The following CLEC12A variants were observed in gnomAD, a reference collection of about 807,000 sequenced individuals.
CLEC12A encodes C-type lectin protein CLL-1.
A neutral mutation model predicts 26.5 loss-of-function variants in CLEC12A; 22 were observed. That is an observed-to-expected ratio of 0.83 (90% CI 0.59 to 1.19). The LOEUF (loss-of-function observed/expected upper bound fraction) is 1.19. Ranked by LOEUF, CLEC12A falls within the 50% of genes most tolerant of loss-of-function variation. The probability of loss-of-function intolerance (pLI) is 0.00; values close to 1 mark genes in which losing one functional copy is unlikely to be tolerated. For synonymous variants in CLEC12A, 119 were observed against 101.9 expected (o/e 1.17, Z -1.01); for missense variants, 353 against 315.6 (o/e 1.12, Z -0.90).
chr12:9,995,506 G>A, exon 5 of CLEC12A: 1 of 402,460 alleles, frequency 2.5e-6, no homozygotes, highest in South Asian at 2.1e-5. Context: ...CATGTATTTA[G>A]ATCTTCAACC....
chr12:9,980,840 G>A, intron 4 of CLEC12A, 107 bp downstream of exon 4: 2 of 1,158,434 alleles, frequency 1.7e-6, no homozygotes, highest in Non-Finnish European at 2.4e-6. Context: ...GTTGGGGTGT[G>A]AAGTGACTGA....
chr12:9,983,789 G>A (rs1424154419), intron 5 of CLEC12A: 1 of 367,082 alleles, frequency 2.7e-6, no homozygotes. Context: ...TAGGAGTGTG[G>A]GTCAGAAAGA....
intron 1 of CLEC12A, among the ~76,000 whole-genome samples, chr12:9,958,997 G>C (rs1398905258): frequency 6.6e-6 from 1 of 152,214 alleles, no homozygotes; most frequent in African/African-American, 2.4e-5. Flanking sequence ...AGCTCTGGAA[G>C]ACTTTGTAAT....
At position 9,982,139 on chromosome 12, in the gene CLEC12A, T is replaced by C; in HGVS notation, c.641+10T>C. The C allele has an allele frequency of 7.1e-7, 1 of 1,410,154 alleles. No individual in the cohort carries two copies. Among genetic ancestry groups the C allele is most frequent in the Non-Finnish European group, 1.0e-6 (1 of 995,950 alleles). 87.4% of individuals were successfully genotyped at this position (1,410,154 alleles called of 1,614,324 possible). ...TCAACTCCTCTGCCTGGTAAGTGTC[T>C]ATTCTTGTTAGAATTTTATAGCTGG... On this transcript the variant is annotated intron_variant, in intron 5 of 5. Coordinates refer to ENST00000304361, the MANE Select transcript of CLEC12A (RefSeq NM_138337.6).
intron 4 of CLEC12A, chr12:9,991,795 T>C (rs1864900582): frequency 6.6e-6 from 1 of 152,118 alleles, no homozygotes; most frequent in Admixed American, 6.6e-5. Context: ...ACAATTAACT[T>C]ATGAGCAAGG....
At chr12:9,965,424 G>T (rs575935327) in intron 1 of CLEC12A, among the ~76,000 whole-genome samples, 415 of 151,648 alleles carry the variant, frequency 2.7e-3, no homozygotes, top group Non-Finnish European at 4.1e-3. Flanking sequence ...AGTAATGGGG[G>T]CTGTCTGTGA....
chr12:9,980,852 A>T lies in CLEC12A; in HGVS notation c.531+119A>T, dbSNP rs1591833932. The T allele has an allele frequency of 8.4e-6, 8 of 954,614 alleles. No homozygotes were observed. In the East Asian group the frequency reaches 2.1e-4, roughly 25 times the overall value. 59.1% of individuals were successfully genotyped at this position (954,614 alleles called of 1,614,324 possible). Reference sequence around the variant, plus strand: ...TCAGTTGGGGTGTGAAGTGACTGAAACTTTGTACACTTATCTCAAGATATC... The same window carrying T: ...TCAGTTGGGGTGTGAAGTGACTGAATCTTTGTACACTTATCTCAAGATATC... On this transcript the variant is annotated intron_variant, in intron 4 of 5. Coordinates refer to ENST00000304361, the MANE Select transcript of CLEC12A (RefSeq NM_138337.6).
intron 1 of CLEC12A, 62 bp downstream of exon 1, chr12:9,971,749 A>T: frequency 1.5e-6 from 2 of 1,378,464 alleles, no homozygotes; most frequent in Non-Finnish European, 1.0e-6. Context: ...ATAGACTTGC[A>T]TCTTCAATAT....
chr12:9,954,438 T>A lies in CLEC12A; in HGVS notation c.10+3082T>A, dbSNP rs564314930. Among the ~76,000 whole-genome samples, 37 of 152,034 alleles carry A rather than the reference T, an allele frequency of 2.4e-4. No individual in the cohort carries two copies. The South Asian group carries it at 6.9e-3, about 28-fold the overall frequency. On this transcript the variant is annotated intron_variant, in intron 1 of 6. Coordinates refer to the CLEC12A transcript ENST00000355690. ...TGAGCCTGGGAGGTTGAGGCTGCAG[T>A]GAGCCTTGATCACACCACTGCACTT...
chr12:9,998,914 G>T, downstream of CLEC12A: 1 of 607,850 alleles, frequency 1.6e-6, no homozygotes, highest in Non-Finnish European at 2.8e-6. Flanking sequence ...ATGCTTTAGA[G>T]CATTAACATC....
In CLEC12A at chr12:9,971,437, G is replaced by T; in HGVS notation, c.-160G>T. On this transcript the variant is annotated 5_prime_UTR_variant, in exon 1 of 6. Transcript: ENST00000304361. ...TCATTTGCAGACATATGGGTGATTG[G>T]TACAGTAGGTTTATAAACAGAAGTT... is the stretch of plus-strand genomic sequence containing the variant. 4.4e-6 allele frequency: 6 copies of T among 1,349,286 alleles called. No individual in the cohort carries two copies. The highest frequency in any genetic ancestry group is 5.7e-6 in the Non-Finnish European group (6 of 1,051,830). 83.6% of individuals were successfully genotyped at this position (1,349,286 alleles called of 1,614,324 possible). A position where few individuals can be genotyped will look rare whatever the true frequency, so the allele number is the denominator to read the frequency against.
At chr12:10,001,519 T>TC in the CLEC12A span, among the ~76,000 whole-genome samples, 2 of 152,144 alleles carry the variant, frequency 1.3e-5, no homozygotes, top group Non-Finnish European at 2.9e-5. Context: ...TTTCTGTGTA[T>TC]CCCCCCTCAC....
intron 1 of CLEC12A, chr12:9,952,498 G>C (rs551601392): frequency 6.6e-6 from 1 of 151,014 alleles, no homozygotes; most frequent in Non-Finnish European, 1.4e-5. Flanking sequence ...CCAGGCTGGA[G>C]TGCAGTGGCG....
At chr12:9,972,736 T>A (rs1051872822) in intron 1 of CLEC12A, among the ~76,000 whole-genome samples, 2 of 152,216 alleles carry the variant, frequency 1.3e-5, no homozygotes, top group Non-Finnish European at 2.9e-5. Flanking sequence ...GCATTGTAAA[T>A]CTTGAGAAAG....
rs756493236 is a variant in CLEC12A, at chr12:9,979,411, T to G, written c.266T>G (p.Ile89Ser). The change falls in exon 3 of 6, where the codon ATT (isoleucine) becomes AGT (serine). Residue 89 changes from isoleucine (I) to serine (S), a missense_variant. By Grantham distance (142) the Ile-to-Ser change is moderately radical. Coordinates refer to ENST00000304361, the MANE Select transcript of CLEC12A (RefSeq NM_138337.6). ...QNISEELQRNISLQLMSNMNI... is the reference protein window; with the variant it reads ...QNISEELQRNSSLQLMSNMNI... ...ATCAGTGAAGAGCTCCAGAGAAATA[T>G]TTCTCTACAACTGATGAGTAACATG... The G allele has an allele frequency of 1.2e-6, 2 of 1,612,080 alleles. No individual in the cohort carries two copies. Among genetic ancestry groups the G allele is most frequent in the Admixed American group, 3.3e-5 (2 of 59,824 alleles).
At chr12:9,978,486 G>T (rs975227165) in intron 1 of CLEC12A, among the ~76,000 whole-genome samples, 7 of 150,938 alleles carry the variant, frequency 4.6e-5, no homozygotes, top group African/African-American at 1.7e-4. Flanking sequence ...TGTTCATTCT[G>T]CAGCTAAATT....
intron 1 of CLEC12A, among the ~76,000 whole-genome samples, chr12:9,978,100 T>C (rs1864407981): frequency 6.6e-6 from 1 of 152,176 alleles, no homozygotes; most frequent in African/African-American, 2.4e-5. Flanking sequence ...TATTGCACCA[T>C]CAACTATGAG....
upstream of CLEC12A, among the ~76,000 whole-genome samples, chr12:9,967,881 A>G (rs1248860662): frequency 1.3e-5 from 2 of 152,176 alleles, no homozygotes; most frequent in Admixed American, 6.5e-5. Flanking sequence ...CCTCTGAAAC[A>G]TGGGTGAATA....
intron 1 of CLEC12A, among the ~76,000 whole-genome samples, chr12:9,952,261 A>G (rs935073682): frequency 3.4e-5 from 5 of 147,450 alleles, no homozygotes; most frequent in African/African-American, 1.3e-4. Context: ...TACTGCTGCC[A>G]TCTCGGCTCA....
Sources: allele counts gnomAD v4.1 joint callset (sites outside exome capture counted in the v4.1 genomes callset), GRCh38; gene constraint gnomAD v4.1.1; transcripts MANE v1.5; gene names NCBI Gene and HGNC (gene_info 2026-07-23, HGNC 2026-07-21).